MAGI1: variants seen among roughly 807,000 people sequenced by gnomAD.
MAGI1 encodes membrane associated guanylate kinase, WW and PDZ domain containing 1, also known as membrane-associated guanylate kinase, WW and PDZ domain-containing protein 1.
A neutral mutation model predicts 139.9 loss-of-function variants in MAGI1; 58 were observed. The ratio of observed to expected loss-of-function variants is 0.41; its 90% CI spans 0.34 to 0.52. The LOEUF is 0.52. Ranked by LOEUF, MAGI1 falls within the 20% of genes least tolerant of loss-of-function variation. The pLI is 0.12. For synonymous variants in MAGI1, 812 were observed against 737.9 expected, an observed-to-expected ratio of 1.10 and a Z score of -1.63; for missense variants, 1,874 against 1,901.6, an observed-to-expected ratio of 0.99 and a Z score of 0.27.
Position 65,622,064 on chromosome 3 carries a change from C to G in MAGI1, c.338G>C (p.Arg113Pro). 2 of 1,613,846 alleles carry G rather than the reference C, an allele frequency of 1.2e-6. No homozygotes were observed. The highest frequency in any genetic ancestry group is 1.7e-6 in the Non-Finnish European group (2 of 1,179,838). ...CTGGAATCGCTGATTGAGAAAATGT[C>G]GCAGGTCCTTGTTCAGCCTTCCTCC... ...RQGGRLNKDLRHFLNQRFQKG... is the reference protein window; with the variant it reads ...RQGGRLNKDLPHFLNQRFQKG... The change falls in exon 2 of 23, where the codon CGA (arginine) becomes CCA (proline). Residue 113 changes from arginine to proline, a missense_variant. By Grantham distance (103) the Arg-to-Pro change is moderately radical. This residue lies in a region of MAGI1 where 648 missense variants were observed against 598.1 expected (regional missense o/e 1.08). Coordinates refer to ENST00000402939, the MANE Select transcript of MAGI1 (RefSeq NM_001033057.2).
At chr3:65,529,152 T>A (rs1303442709) in intron 2 of MAGI1, among the ~76,000 whole-genome samples, 3 of 152,022 alleles carry the variant, frequency 2.0e-5, no homozygotes, top group African/African-American at 7.2e-5. Flanking sequence ...AGGCTTGGAC[T>A]TTCTGCTCCC....
In MAGI1 at chr3:65,361,241, G is replaced by A. The variant is rs201117026; in HGVS notation, c.3592C>T (p.Arg1198Cys). The A allele has an allele frequency of 3.7e-4, 605 of 1,614,086 alleles. 9 individuals are homozygous for A. In the South Asian group the frequency reaches 5.6e-3, roughly 15 times the overall value. ...CCGTCTCCCCGCTTCAGAAACAGACGAACTCTGCGGCCACCATTCTTAATC... is the reference window on the plus strand; with the variant it reads ...CCGTCTCCCCGCTTCAGAAACAGACAAACTCTGCGGCCACCATTCTTAATC... ...ELIKNGGRRV[R>C]LFLKRGDGSV... The change falls in exon 22 of 23, where the codon CGT becomes TGT. Residue 1198 changes from arginine to cysteine, a missense_variant. Physicochemically the swap from Arg to Cys is radical, Grantham distance 180. Coordinates refer to ENST00000402939, the MANE Select transcript of MAGI1 (RefSeq NM_001033057.2).
chr3:65,615,635 A>T lies in MAGI1; in HGVS notation c.430+6337T>A, dbSNP rs138857292. On this transcript the variant is annotated intron_variant, in intron 2 of 22. Coordinates refer to ENST00000402939, the MANE Select transcript of MAGI1 (RefSeq NM_001033057.2). ...AATGAATAAAACTCCAGAATAACAA[A>T]GAACCTTCCCGCTTCCCTCACCACC... Among the ~76,000 whole-genome samples the T allele has an allele frequency of 3.4e-3, 518 of 152,288 alleles. 2 individuals are homozygous for T. Among genetic ancestry groups the T allele is most frequent in the African/African-American group, 0.012 (494 of 41,554 alleles).
chr3:65,584,358 C>A (rs2081575893), intron 2 of MAGI1, among the ~76,000 whole-genome samples: 1 of 152,088 alleles, frequency 6.6e-6, no homozygotes, highest in Non-Finnish European at 1.5e-5. Flanking sequence ...GGCCTGGTTT[C>A]TTGGAGAAAG....
chr3:65,847,535 G>A (rs751861186), intron 1 of MAGI1, among the ~76,000 whole-genome samples: 2 of 151,958 alleles, frequency 1.3e-5, no homozygotes, highest in Non-Finnish European at 2.9e-5. Flanking sequence ...TATCCATATG[G>A]AGATAGTCTC....
At chr3:65,473,770 C>T (rs942109892) in intron 4 of MAGI1, among the ~76,000 whole-genome samples, 2 of 150,844 alleles carry the variant, frequency 1.3e-5, no homozygotes, top group African/African-American at 4.9e-5. Flanking sequence ...CCTTCAGCAA[C>T]GAGATCTTAC....
chr3:65,897,362 T>C (rs1006261524), intron 1 of MAGI1, among the ~76,000 whole-genome samples: 3 of 151,548 alleles, frequency 2.0e-5, no homozygotes, highest in Non-Finnish European at 2.9e-5. Flanking sequence ...AGCAAGAACC[T>C]GTCTCCCAGA....
intron 1 of MAGI1, among the ~76,000 whole-genome samples, chr3:65,679,136 T>G (rs2087398468): frequency 6.6e-6 from 1 of 152,112 alleles, no homozygotes; most frequent in Non-Finnish European, 1.5e-5. Context: ...GGTTTTCTGT[T>G]TACCTGCCTA....
chr3:65,359,069 T>C, intron 22 of MAGI1: 1 of 1,613,846 alleles, frequency 6.2e-7, no homozygotes, highest in Non-Finnish European at 8.5e-7. Context: ...CAAACCGTAG[T>C]TTGATTATGG....
chr3:65,949,489 CT>C (rs2063695076), intron 1 of MAGI1, among the ~76,000 whole-genome samples: 1 of 152,208 alleles, frequency 6.6e-6, no homozygotes, highest in South Asian at 2.1e-4. Flanking sequence ...ACTACAATCC[CT>C]CAAAAGAAGG....
intron 5 of MAGI1, among the ~76,000 whole-genome samples, chr3:65,466,086 A>G (rs967580913): frequency 3.9e-5 from 6 of 152,004 alleles, no homozygotes; most frequent in African/African-American, 1.4e-4. Flanking sequence ...TTTTTAAATC[A>G]TCTATGGCTT....
chr3:65,758,029 TAC>T (rs1239114892), intron 1 of MAGI1, among the ~76,000 whole-genome samples: 1 of 152,158 alleles, frequency 6.6e-6, no homozygotes, highest in Non-Finnish European at 1.5e-5. Context: ...CACAGCATCT[TAC>T]ACACACAGAG....
At chr3:65,853,153 C>T (rs1427479167) in intron 1 of MAGI1, among the ~76,000 whole-genome samples, 2 of 151,134 alleles carry the variant, frequency 1.3e-5, no homozygotes, top group East Asian at 2.0e-4. Flanking sequence ...GGCGACAGAG[C>T]GAGACTCCGT....
intron 1 of MAGI1, among the ~76,000 whole-genome samples, chr3:65,812,273 CG>C (rs1182554743): frequency 1.3e-5 from 2 of 151,974 alleles, no homozygotes; most frequent in Non-Finnish European, 2.9e-5. Context: ...TGGCACAAAG[CG>C]GGTATTCTAA....
intron 1 of MAGI1, among the ~76,000 whole-genome samples, chr3:65,940,151 G>T (rs1416490239): frequency 6.6e-6 from 1 of 152,112 alleles, no homozygotes; most frequent in African/African-American, 2.4e-5. Flanking sequence ...ACACCCAGGG[G>T]AGTGTTCTCC....
chr3:65,822,171 G>A (rs1007190802), intron 1 of MAGI1, among the ~76,000 whole-genome samples: 14 of 152,284 alleles, frequency 9.2e-5, no homozygotes, highest in African/African-American at 3.1e-4. Flanking sequence ...GAGAGATGAG[G>A]AAGGTCAGGA....
intron 1 of MAGI1, among the ~76,000 whole-genome samples, chr3:65,632,535 T>A (rs2107166544): frequency 6.6e-6 from 1 of 152,346 alleles, no homozygotes; most frequent in South Asian, 2.1e-4. Flanking sequence ...ATTCAGTGGA[T>A]GTGTTCTTTA....
intron 3 of MAGI1, among the ~76,000 whole-genome samples, chr3:65,479,422 T>C (rs916709608): frequency 3.9e-5 from 6 of 152,046 alleles, no homozygotes; most frequent in African/African-American, 1.4e-4. Flanking sequence ...CTTCCAGTAG[T>C]GGCCCATCTT....
intron 1 of MAGI1, among the ~76,000 whole-genome samples, chr3:65,841,401 CTTTG>C (rs1258147252): frequency 6.7e-6 from 1 of 150,356 alleles, no homozygotes; most frequent in East Asian, 2.0e-4. Flanking sequence ...TTCTTTCTTT[CTTTG>C]TTTTTTTGTT....
Sources: gnomAD v4.1 joint callset for allele counts (sites outside exome capture counted in the v4.1 genomes callset) on GRCh38, gnomAD v4.1.1 for gene constraint, gnomAD v4.1.1 regional missense constraint, MANE v1.5 for transcripts, NCBI Gene and HGNC (gene_info 2026-07-23, HGNC 2026-07-21) for gene names.